SNX11: variants seen among roughly 807,000 people sequenced by gnomAD.
SNX11 encodes sorting nexin-11.
SNX11 carries 19 observed loss-of-function variants against 30.7 expected under a neutral mutation model. The observed-to-expected ratio is 0.62, with a 90% CI of 0.43 to 0.91. SNX11 has a LOEUF of 0.91. Among genes scored for constraint, SNX11 ranks in the 40% least tolerant of loss-of-function variants. SNX11 has a pLI of 0.00. For synonymous variants in SNX11, 112 were observed against 119.0 expected (o/e 0.94, Z 0.38); for missense variants, 302 against 326.7 (o/e 0.92, Z 0.58).
intron 4 of SNX11, among the ~76,000 whole-genome samples, chr17:48,118,436 G>A (rs1338574073): frequency 6.6e-6 from 1 of 152,078 alleles, no homozygotes; most frequent in Non-Finnish European, 1.5e-5. Flanking sequence ...AAAATTAGCT[G>A]GGTGTGGTGG....
At chr17:48,114,005 A>C (rs1421372475) in intron 4 of SNX11, among the ~76,000 whole-genome samples, 1 of 150,864 alleles carries the variant, frequency 6.6e-6, no homozygotes, top group Non-Finnish European at 1.5e-5. Context: ...ACAGGTGCCC[A>C]CCACTATGCC....
chr17:48,109,265 C>CTTTT (rs35219376), intron 1 of SNX11, among the ~76,000 whole-genome samples: 1 of 139,940 alleles, frequency 7.1e-6, no homozygotes, highest in Non-Finnish European at 1.5e-5. Context: ...CTGAAACTTT[C>CTTTT]TTTTTTTTTT....
At position 48,121,311 on chromosome 17, in the gene SNX11, G is replaced by C. The variant is rs750700648; in HGVS notation, c.616G>C (p.Val206Leu). The C allele has an allele frequency of 1.2e-5, 20 of 1,614,064 alleles. No homozygotes were observed. Among genetic ancestry groups the C allele is most frequent in the African/African-American group, 8.0e-5 (6 of 74,914 alleles). The change falls in exon 7 of 7, where the codon GTG becomes CTG. Residue 206 changes from valine to leucine, a missense_variant. Transcript: ENST00000359238. ...CAGTGAAGAAAAGGACCATTTAGAA[G>C]TGTGGGCTCCAGTTGTTGACTCTGA... ...PPSEEKDHLE[V>L]WAPVVDSEVP...
intron 4 of SNX11, among the ~76,000 whole-genome samples, chr17:48,114,623 ATGTTT>A (rs2063525816): frequency 6.8e-6 from 1 of 147,204 alleles, no homozygotes; most frequent in Non-Finnish European, 1.5e-5. Context: ...TGCCCAGCTA[ATGTTT>A]TGTATTTTTA....
chr17:48,117,201 A>T (rs550233934), intron 4 of SNX11, among the ~76,000 whole-genome samples: 1 of 148,116 alleles, frequency 6.8e-6, no homozygotes, highest in African/African-American at 2.5e-5. Context: ...GATTACAGGC[A>T]TGTGCCACCA....
At position 48,121,725 on chromosome 17, in the gene SNX11, C is replaced by T. The variant is rs887048543; in HGVS notation, c.*217C>T. 3.5e-6 allele frequency: 2 copies of T among 564,316 alleles called. No individual in the cohort carries two copies. Among genetic ancestry groups the T allele is most frequent in the South Asian group, 4.7e-5 (2 of 42,888 alleles). 35.0% of individuals were successfully genotyped at this position (564,316 alleles called of 1,614,324 possible). On this transcript the variant is annotated 3_prime_UTR_variant, in exon 7 of 7. Transcript: ENST00000359238. ...AGATGTTTGTAAGTTAAACATAAGA[C>T]ACAGGGGCTGTTGCTTTTGAACAGA...
intron 6 of SNX11, 138 bp from the exon 7 acceptor site, chr17:48,121,097 G>T: frequency 1.2e-6 from 1 of 856,164 alleles, no homozygotes; most frequent in South Asian, 1.7e-5. Context: ...GCAATCTTCT[G>T]GCCTCAGCTT....
At position 48,113,411 on chromosome 17, in the gene SNX11, C is replaced by G. The variant is rs746351973; in HGVS notation, c.230+10C>G. On this transcript the variant is annotated intron_variant, in intron 4 of 6. Coordinates refer to ENST00000359238, the MANE Select transcript of SNX11 (RefSeq NM_013323.3). ...GAAATGCTGGTTTGGTGTGAGTTTG[C>G]TCTTGCTTCCTTCTTGGGTCTGTGA... 4 of 1,602,492 alleles carry G rather than the reference C, an allele frequency of 2.5e-6. No homozygotes were observed. The African/African-American group carries it at 5.3e-5, about 21-fold the overall frequency.
chr17:48,119,275 A>G, intron 6 of SNX11, 89 bp downstream of exon 6: 1 of 1,026,292 alleles, frequency 9.7e-7, no homozygotes, highest in Non-Finnish European at 1.5e-6. Flanking sequence ...AAGTAATGTC[A>G]TAGCATTGGT....
chr17:48,113,835 A>G (rs906161658), intron 4 of SNX11, among the ~76,000 whole-genome samples: 3 of 149,192 alleles, frequency 2.0e-5, no homozygotes, highest in African/African-American at 7.4e-5. Context: ...GGTGTGAGCC[A>G]CCAGGCCCGG....
In SNX11 at chr17:48,123,211, G is replaced by A. The variant is rs2063615813; in HGVS notation, c.*1703G>A. ...GTCAGAAGAAGTTCATTTAAAAGGGGAAAAAAACTCCATGTGCAACCCTCA... is the reference window on the plus strand; with the variant it reads ...GTCAGAAGAAGTTCATTTAAAAGGGAAAAAAAACTCCATGTGCAACCCTCA... On this transcript the variant is annotated 3_prime_UTR_variant, in exon 7 of 7. Coordinates refer to ENST00000359238, the MANE Select transcript of SNX11 (RefSeq NM_013323.3). 1 of 152,090 alleles carries A rather than the reference G, an allele frequency of 6.6e-6. No individual in the cohort carries two copies. Among genetic ancestry groups the A allele is most frequent in the Admixed American group, 6.6e-5 (1 of 15,220 alleles). 9.4% of individuals were successfully genotyped at this position (152,090 alleles called of 1,614,324 possible).
At chr17:48,112,199 G>A (rs909706172) in intron 2 of SNX11, 114 bp downstream of exon 2, 1 of 948,738 alleles carries the variant, frequency 1.1e-6, no homozygotes, top group Non-Finnish European at 1.7e-6. Flanking sequence ...TACTTTGGTG[G>A]TTCTGATGAG....
At chr17:48,109,647 G>A (rs1275905112) in intron 1 of SNX11, among the ~76,000 whole-genome samples, 1 of 151,126 alleles carries the variant, frequency 6.6e-6, no homozygotes, top group East Asian at 1.9e-4. Context: ...GCGCGATCTC[G>A]GCTCACTGCA....
At chr17:48,120,851 T>A (rs1490283540) in intron 6 of SNX11, among the ~76,000 whole-genome samples, 1 of 150,930 alleles carries the variant, frequency 6.6e-6, no homozygotes, top group Admixed American at 6.6e-5. Context: ...TTCACCAGGT[T>A]ACCCAGGTTG....
intron 6 of SNX11, among the ~76,000 whole-genome samples, chr17:48,120,993 CT>C (rs963674278): frequency 6.8e-4 from 102 of 150,540 alleles, no homozygotes; most frequent in African/African-American, 2.2e-3. Flanking sequence ...TATGTTCATA[CT>C]TTTTTTTCTG....
intron 4 of SNX11, 73 bp from the exon 5 acceptor site, chr17:48,118,631 C>T: frequency 1.8e-6 from 2 of 1,081,622 alleles, no homozygotes; most frequent in African/African-American, 3.1e-5. Flanking sequence ...TAAGGGATTT[C>T]CTTGATCAGA....
intron 1 of SNX11, among the ~76,000 whole-genome samples, chr17:48,109,265 C>G (rs374720009): frequency 2.9e-5 from 4 of 139,942 alleles, no homozygotes; most frequent in African/African-American, 1.1e-4. Flanking sequence ...CTGAAACTTT[C>G]TTTTTTTTTT....
rs190788283 is a variant in SNX11, at chr17:48,114,023, T to G, written c.230+622T>G. 3.1e-3 allele frequency among the ~76,000 whole-genome samples: 472 copies of G among 151,704 alleles called. 3 individuals carry two copies. The highest frequency in any genetic ancestry group is 0.011 in the African/African-American group (435 of 41,358). ...GGTGCCCACCACTATGCCTGCCTAA[T>G]TTTTGTATTTTTAGTAGAGGTGGGG... On this transcript the variant is annotated intron_variant, in intron 4 of 6. Transcript: ENST00000359238.
chr17:48,107,776 C>A lies in SNX11; in HGVS notation c.-76C>A, dbSNP rs1398637608. The stretch of plus-strand genomic sequence containing the variant: ...CGGCGACTCACCCGGAAGGAGAAGC[C>A]GTGATCTGGCTATATGGTGGGGCGC... On this transcript the variant is annotated 5_prime_UTR_variant, in exon 1 of 7. Coordinates refer to ENST00000359238, the MANE Select transcript of SNX11 (RefSeq NM_013323.3). 1 of 152,442 alleles carries A rather than the reference C, an allele frequency of 6.6e-6. No individual in the cohort carries two copies. Among genetic ancestry groups the A allele is most frequent in the Non-Finnish European group, 1.5e-5 (1 of 68,212 alleles). 9.4% of individuals were successfully genotyped at this position (152,442 alleles called of 1,614,324 possible).
Sources: gnomAD v4.1 joint callset for allele counts (sites outside exome capture counted in the v4.1 genomes callset) on GRCh38, gnomAD v4.1.1 for gene constraint, MANE v1.5 for transcripts, NCBI Gene and HGNC (gene_info 2026-07-23, HGNC 2026-07-21) for gene names.